The following SEL1L variants were observed in gnomAD, a reference collection of about 807,000 sequenced individuals.
SEL1L encodes SEL1L adaptor subunit of SYVN1 ubiquitin ligase.
Under a neutral mutation model 109.8 loss-of-function variants are expected in SEL1L, and 52 were observed. The observed-to-expected ratio is 0.47, with a 90% CI of 0.38 to 0.60. The LOEUF is 0.60. SEL1L is among the 20% of genes least tolerant of loss of function. The pLI is 0.00. For missense variants in SEL1L, 749 were observed against 962.2 expected, an observed-to-expected ratio of 0.78 and a Z score of 2.93; for synonymous variants, 373 against 339.6, an observed-to-expected ratio of 1.10 and a Z score of -1.08.
intron 3 of SEL1L, among the ~76,000 whole-genome samples, chr14:81,513,744 A>G (rs1321628881): frequency 1.3e-5 from 2 of 152,016 alleles, no homozygotes; most frequent in Non-Finnish European, 2.9e-5. Context: ...TCTGGGAAAG[A>G]GCTCTCTAAC....
chr14:81,502,141 G>C (rs577964882), intron 6 of SEL1L, among the ~76,000 whole-genome samples: 53 of 152,138 alleles, frequency 3.5e-4, no homozygotes, highest in South Asian at 2.1e-3. Context: ...GGGATGAAAA[G>C]GTGAAGTTCC....
At chr14:81,514,307 C>G (rs1013944130) in intron 3 of SEL1L, among the ~76,000 whole-genome samples, 9 of 152,194 alleles carry the variant, frequency 5.9e-5, no homozygotes, top group African/African-American at 2.2e-4. Context: ...CAAGTGAGGA[C>G]AAAAGGCATC....
rs547907085 is a variant in SEL1L at position 81,483,204 on chromosome 14, T to G, written c.2046+1021A>C. ...CATTCTAGTCATACATTTAAAAAAA[T>G]GAAAAACAGAATTAATGTGAAATCT... On this transcript the variant is annotated intron_variant, in intron 19 of 20. Transcript: ENST00000336735. Among the ~76,000 whole-genome samples, 10 of 152,256 alleles carry G rather than the reference T, an allele frequency of 6.6e-5. No individual in the cohort carries two copies. In the South Asian group the frequency reaches 2.1e-3, roughly 32 times the overall value.
chr14:81,496,046 G>A (rs566765005), intron 10 of SEL1L, among the ~76,000 whole-genome samples: 118 of 152,264 alleles, frequency 7.7e-4, no homozygotes, highest in African/African-American at 2.7e-3. Flanking sequence ...AATTTGGGCC[G>A]GGCGCGGTGC....
At chr14:81,518,147 C>T (rs1884772936) in intron 3 of SEL1L, among the ~76,000 whole-genome samples, 1 of 151,464 alleles carries the variant, frequency 6.6e-6, no homozygotes, top group Admixed American at 6.6e-5. Context: ...CCTGCCTTGG[C>T]CTCCCAAAAT....
chr14:81,525,674 C>T (rs1302453523), intron 3 of SEL1L, among the ~76,000 whole-genome samples: 1 of 152,072 alleles, frequency 6.6e-6, no homozygotes, highest in Non-Finnish European at 1.5e-5. Context: ...CACAAAGATA[C>T]ATCTAAAATG....
In SEL1L at chr14:81,506,106, T is replaced by C. The variant is rs779832365; in HGVS notation, c.476A>G (p.Tyr159Cys). ...GRLWCATTYD[Y>C]KADEKWGFCE... ...AAAGCCCCACTTTTCATCTGCTTTG[T>C]AGTCATAGGTTGTAGCACACCACAG... is the stretch of plus-strand genomic sequence containing the variant. Residue 159 changes from tyrosine to cysteine, a missense_variant, in exon 4 of 21, where the codon TAC becomes TGC. Physicochemically the swap from Tyr to Cys is radical, Grantham distance 194. Coordinates refer to ENST00000336735, the MANE Select transcript of SEL1L (RefSeq NM_005065.6). The C allele has an allele frequency of 3.7e-6, 6 of 1,613,886 alleles. No homozygotes were observed. In the Admixed American group the frequency reaches 8.3e-5, roughly 22 times the overall value.
At chr14:81,487,167 A>G (rs1207568645) in intron 16 of SEL1L, among the ~76,000 whole-genome samples, 2 of 152,030 alleles carry the variant, frequency 1.3e-5, no homozygotes, top group East Asian at 1.9e-4. Context: ...TACTGCAGAC[A>G]CCAGTATCTC....
chr14:81,494,441 T>C (rs1014740501), intron 11 of SEL1L, among the ~76,000 whole-genome samples: 5 of 152,340 alleles, frequency 3.3e-5, no homozygotes, highest in Non-Finnish European at 7.3e-5. Flanking sequence ...CCAAAGCCAT[T>C]GTTTTCAAAT....
chr14:81,505,999 G>A lies in SEL1L; in HGVS notation c.508+75C>T, dbSNP rs1884222686. The A allele has an allele frequency of 2.1e-6, 3 of 1,400,800 alleles. No homozygotes were observed. In the South Asian group the frequency reaches 4.2e-5, roughly 20 times the overall value. 86.8% of individuals were successfully genotyped at this position (1,400,800 alleles called of 1,614,324 possible). A position where few individuals can be genotyped will look rare whatever the true frequency, so the allele number is the denominator to read the frequency against. On this transcript the variant is annotated intron_variant, in intron 4 of 20. Coordinates refer to ENST00000336735, the MANE Select transcript of SEL1L (RefSeq NM_005065.6). ...TTCTGACCAATGTGGAAAAAGGATG[G>A]CTAGAAAAAGGCCTTAAAAACATTG... is the stretch of plus-strand genomic sequence containing the variant.
At chr14:81,524,174 C>T (rs1025125938) in intron 3 of SEL1L, among the ~76,000 whole-genome samples, 5 of 151,998 alleles carry the variant, frequency 3.3e-5, no homozygotes, top group Non-Finnish European at 7.4e-5. Flanking sequence ...ATTTTGCAAC[C>T]CCTAATAATT....
At chr14:81,485,506 G>A (rs1042151870) in intron 18 of SEL1L, among the ~76,000 whole-genome samples, 166 bp downstream of exon 18, 5 of 151,004 alleles carry the variant, frequency 3.3e-5, no homozygotes, top group African/African-American at 9.7e-5. Flanking sequence ...GGCTGGTTTC[G>A]GTTTCGAACT....
In SEL1L at chr14:81,494,068, A is replaced by G. The variant is rs541106295; in HGVS notation, c.1185+1013T>C. On this transcript the variant is annotated intron_variant, in intron 11 of 20. Transcript: ENST00000336735. Reference sequence around the variant, plus strand: ...CGAGATGATGGCAACTCCTAAATTTATATTTTCAGCTTCAATCCAGTCTAT... The same window carrying G: ...CGAGATGATGGCAACTCCTAAATTTGTATTTTCAGCTTCAATCCAGTCTAT... 6.4e-4 allele frequency among the ~76,000 whole-genome samples: 98 copies of G among 152,282 alleles called. 1 individual carries two copies. The South Asian group carries it at 0.019, about 30-fold the overall frequency.
chr14:81,479,542 T>C (rs1434497335), intron 20 of SEL1L, 70 bp downstream of exon 20: 2 of 1,501,430 alleles, frequency 1.3e-6, no homozygotes, highest in Non-Finnish European at 9.0e-7. Flanking sequence ...TCTCAACTTT[T>C]GAAAAACAAA....
At position 81,490,697 on chromosome 14, in the gene SEL1L, T is replaced by G. The variant is rs532566512; in HGVS notation, c.1255-232A>C. On this transcript the variant is annotated intron_variant, in intron 12 of 20. Coordinates refer to ENST00000336735, the MANE Select transcript of SEL1L (RefSeq NM_005065.6). Reference sequence around the variant, plus strand: ...GGGTGGATCACCCGATGTCAGGAGTTCAAGACCAGCCTGGCCAATATGGCA... The same window carrying G: ...GGGTGGATCACCCGATGTCAGGAGTGCAAGACCAGCCTGGCCAATATGGCA... Among the ~76,000 whole-genome samples the G allele has an allele frequency of 2.0e-5, 3 of 152,282 alleles. No individual in the cohort carries two copies. In the East Asian group the frequency reaches 5.8e-4, roughly 29 times the overall value.
At position 81,502,797 on chromosome 14, in the gene SEL1L, T is replaced by C. The variant is rs771951166; in HGVS notation, c.701A>G (p.Tyr234Cys). The change falls in exon 6 of 21, where the codon TAC (tyrosine) becomes TGC (cysteine). Residue 234 changes from tyrosine to cysteine, a missense_variant. Physicochemically the swap from Tyr to Cys is radical, Grantham distance 194. Coordinates refer to ENST00000336735, the MANE Select transcript of SEL1L (RefSeq NM_005065.6). ...CGCTGCCTGGATATTCTGTGGCAAG[T>C]AATCACCAAATAAAAGAGCATATGA... ...RVSYALLFGD[Y>C]LPQNIQAARE... 10 of 1,614,020 alleles carry C rather than the reference T, an allele frequency of 6.2e-6. No homozygotes were observed. The South Asian group carries it at 1.1e-4, about 18-fold the overall frequency.
intron 3 of SEL1L, among the ~76,000 whole-genome samples, chr14:81,522,563 A>G (rs970808220): frequency 1.3e-5 from 2 of 152,210 alleles, no homozygotes; most frequent in African/African-American, 2.4e-5. Flanking sequence ...GCCGAGGTAT[A>G]GGCTACACTA....
intron 6 of SEL1L, among the ~76,000 whole-genome samples, chr14:81,502,146 A>G (rs920816589): frequency 1.3e-5 from 2 of 152,150 alleles, no homozygotes; most frequent in African/African-American, 4.8e-5. Context: ...GAAAAGGTGA[A>G]GTTCCAGAAC....
At chr14:81,489,352 A>G (rs1883456091) in intron 13 of SEL1L, 38 bp from the exon 14 acceptor site, 5 of 1,540,304 alleles carry the variant, frequency 3.2e-6, no homozygotes, top group Non-Finnish European at 4.5e-6. Context: ...AGTGAAAAGA[A>G]TTCATTCAAA....
Sources: gnomAD v4.1 joint callset for allele counts (sites outside exome capture counted in the v4.1 genomes callset) on GRCh38, gnomAD v4.1.1 for gene constraint, MANE v1.5 for transcripts, NCBI Gene and HGNC (gene_info 2026-07-23, HGNC 2026-07-21) for gene names.